DPP10: variants seen among roughly 807,000 people sequenced by gnomAD.
DPP10 encodes inactive dipeptidyl peptidase 10.
DPP10 carries 33 observed loss-of-function variants against 120.9 expected under a neutral mutation model. The observed-to-expected ratio is 0.27, with a 90% confidence interval of 0.21 to 0.37. The LOEUF (loss-of-function observed/expected upper bound fraction) is 0.37, where lower values mean the gene tolerates loss of function less well. Among genes scored for constraint, DPP10 ranks in the 10% least tolerant of loss-of-function variants. DPP10 has a pLI of 1.00. For missense variants in DPP10, 816 were observed against 942.8 expected (o/e 0.87, Z 1.76); for synonymous variants, 337 against 326.1 (o/e 1.03, Z -0.36).
At chr2:115,673,764 T>C (rs1165343503) in intron 5 of DPP10, among the ~76,000 whole-genome samples, 2 of 152,170 alleles carry the variant, frequency 1.3e-5, no homozygotes, top group South Asian at 2.1e-4. Context: ...TGGGAGGAGA[T>C]TGTAAAACAT....
At chr2:114,504,150 T>C (rs989720112) in intron 1 of DPP10, among the ~76,000 whole-genome samples, 30 of 152,306 alleles carry the variant, frequency 2.0e-4, no homozygotes, top group African/African-American at 7.0e-4. Context: ...ATTTTCAACA[T>C]TCTTATTTCA....
At chr2:115,036,011 AGTGCTATAAAGAAATACCTGAGACTGG>A (rs1397160680) in intron 1 of DPP10, among the ~76,000 whole-genome samples, 1 of 152,216 alleles carries the variant, frequency 6.6e-6, no homozygotes, top group Non-Finnish European at 1.5e-5. Context: ...CTATTCTCAC[AGTGCTATAAAGAAATACCTGAGACTGG>A]GTAATTTATA....
Position 115,235,808 on chromosome 2 carries a change from A to G in DPP10, c.61-73431A>G, listed in dbSNP as rs527659697. ...ACTCCTGGCCTCTGGTGATCCACCC[A>G]CCTTGGCCTCCGAAAGTGCTGGGAA... On this transcript the variant is annotated intron_variant, in intron 1 of 25. Coordinates refer to ENST00000410059, the MANE Select transcript of DPP10 (RefSeq NM_020868.6). Among the ~76,000 whole-genome samples, 225 of 152,166 alleles carry G rather than the reference A, an allele frequency of 1.5e-3. 2 individuals carry two copies. The highest frequency in any genetic ancestry group is 5.2e-3 in the African/African-American group (216 of 41,520).
intron 1 of DPP10, among the ~76,000 whole-genome samples, chr2:114,998,205 C>T (rs1701221017): frequency 6.6e-6 from 1 of 152,100 alleles, no homozygotes; most frequent in Non-Finnish European, 1.5e-5. Context: ...AACTGCTATC[C>T]TAATGTTTAT....
intron 1 of DPP10, among the ~76,000 whole-genome samples, chr2:114,986,644 A>G (rs1010081502): frequency 2.6e-5 from 4 of 152,250 alleles, no homozygotes; most frequent in Admixed American, 1.3e-4. Flanking sequence ...ATTTAATAAC[A>G]AAAAGGGAAA....
chr2:115,457,503 TCAAAA>T (rs1351572082), intron 3 of DPP10, among the ~76,000 whole-genome samples: 1 of 152,000 alleles, frequency 6.6e-6, no homozygotes, highest in Non-Finnish European at 1.5e-5. Flanking sequence ...TTTTAAAAAA[TCAAAA>T]CAAATCAGGC....
At chr2:115,390,107 A>T (rs144683400) in intron 3 of DPP10, among the ~76,000 whole-genome samples, 8 of 152,316 alleles carry the variant, frequency 5.3e-5, no homozygotes, top group African/African-American at 1.9e-4. Flanking sequence ...GTCAGCTCTT[A>T]TTACAGTGAC....
At chr2:115,526,377 A>G (rs2078136309) in intron 5 of DPP10, 2 of 154,496 alleles carry the variant, frequency 1.3e-5, no homozygotes, top group Admixed American at 1.3e-4. Flanking sequence ...TGGGAAGGCA[A>G]CTGCTGAAAA....
At chr2:115,102,650 C>A (rs1268717605) in intron 1 of DPP10, among the ~76,000 whole-genome samples, 2 of 151,854 alleles carry the variant, frequency 1.3e-5, no homozygotes, top group Non-Finnish European at 2.9e-5. Flanking sequence ...ACTTTGTGAT[C>A]CACCCGCCTC....
At chr2:115,278,098 G>A (rs2059992346) in intron 1 of DPP10, among the ~76,000 whole-genome samples, 2 of 152,144 alleles carry the variant, frequency 1.3e-5, no homozygotes, top group South Asian at 2.1e-4. Context: ...TTCTACTTAC[G>A]CTATTCGGGC....
At chr2:115,615,735 A>G (rs1023116896) in intron 5 of DPP10, among the ~76,000 whole-genome samples, 2 of 152,198 alleles carry the variant, frequency 1.3e-5, no homozygotes, top group South Asian at 2.1e-4. Flanking sequence ...GTCAAATCTA[A>G]TATTTTCGAA....
At chr2:114,770,254 G>A (rs887507559) in intron 1 of DPP10, among the ~76,000 whole-genome samples, 1 of 152,132 alleles carries the variant, frequency 6.6e-6, no homozygotes, top group African/African-American at 2.4e-5. Context: ...CCATGGTTCA[G>A]TGCTAGCTAA....
At chr2:115,518,130 C>T (rs183555459) in intron 4 of DPP10, among the ~76,000 whole-genome samples, 1 of 152,100 alleles carries the variant, frequency 6.6e-6, no homozygotes, top group Non-Finnish European at 1.5e-5. Flanking sequence ...AAAATGGCAC[C>T]AAGCCATTCA....
chr2:115,026,891 A>G (rs1703503401), intron 1 of DPP10, among the ~76,000 whole-genome samples: 1 of 152,168 alleles, frequency 6.6e-6, no homozygotes, highest in South Asian at 2.1e-4. Context: ...GATTACATTA[A>G]ATCTGTAAAT....
chr2:115,731,403 T>C (rs959650542), intron 8 of DPP10, among the ~76,000 whole-genome samples: 7 of 150,902 alleles, frequency 4.6e-5, no homozygotes, highest in Non-Finnish European at 7.4e-5. Context: ...AGCACATACC[T>C]GTGTTCCCCC....
At chr2:115,839,509 A>G (rs1393165565) in intron 24 of DPP10, among the ~76,000 whole-genome samples, 6 of 151,918 alleles carry the variant, frequency 3.9e-5, no homozygotes, top group Non-Finnish European at 8.8e-5. Flanking sequence ...CCCCGTCTCT[A>G]CTAGAAATAC....
chr2:115,578,455 TTTCTTCTATTATGGC>T (rs573126064), intron 5 of DPP10, among the ~76,000 whole-genome samples: 3,648 of 152,084 alleles, frequency 0.024, 67 homozygotes, highest in Non-Finnish European at 0.038. Flanking sequence ...TTTAAGCTGC[TTTCTTCTATTATGGC>T]TTCTCTCCTA....
intron 1 of DPP10, among the ~76,000 whole-genome samples, chr2:114,729,529 GA>G (rs1676681878): frequency 1.3e-5 from 2 of 152,296 alleles, no homozygotes; most frequent in South Asian, 4.1e-4. Context: ...AATGAAAAAG[GA>G]AAAGCCCAAA....
intron 5 of DPP10, among the ~76,000 whole-genome samples, chr2:115,577,370 T>C (rs1034816930): frequency 6.6e-6 from 1 of 152,230 alleles, no homozygotes; most frequent in Non-Finnish European, 1.5e-5. Flanking sequence ...GGGGACTTCA[T>C]GCCAATTACC....
Sources: allele counts gnomAD v4.1 joint callset (sites outside exome capture counted in the v4.1 genomes callset), GRCh38; gene constraint gnomAD v4.1.1; transcripts MANE v1.5; gene names NCBI Gene and HGNC (gene_info 2026-07-23, HGNC 2026-07-21).